Variants in VGLL2 observed in about 807,000 individuals in gnomAD.
The protein encoded by VGLL2 is transcription cofactor vestigial-like protein 2.
In VGLL2, 18 loss-of-function variants were observed where a neutral mutation model predicts 27.0. The observed-to-expected ratio is 0.67, with a 90% CI of 0.46 to 0.99. The LOEUF (loss-of-function observed/expected upper bound fraction) is 0.99, where lower values mean the gene tolerates loss of function less well. Ranked by LOEUF, VGLL2 falls within the 50% of genes least tolerant of loss-of-function variation. The probability of loss-of-function intolerance (pLI) is 0.00; values close to 1 mark genes in which losing one functional copy is unlikely to be tolerated. For synonymous variants in VGLL2, 220 were observed against 201.1 expected, an observed-to-expected ratio of 1.09 and a Z score of -0.80; for missense variants, 491 against 452.3, an observed-to-expected ratio of 1.09 and a Z score of -0.78.
intron 3 of VGLL2, chr6:117,272,211 C>G: frequency 6.0e-6 from 4 of 663,474 alleles, no homozygotes; most frequent in Non-Finnish European, 7.4e-6. Flanking sequence ...CTTCTTTGTT[C>G]TCCTCCTTCT....
At position 117,270,607 on chromosome 6, in the gene VGLL2, G is replaced by T. The variant is rs745553667; in HGVS notation, c.456G>T (p.Ala152=). ...PASFWNSAYQ[A]PVPPPLGSPL... ...CCTTCTGGAATAGCGCGTACCAGGC[G>T]CCAGTGCCCCCGCCGCTGGGCAGCC... The change falls in exon 3 of 4, where the codon GCG becomes GCT. Residue 152 remains alanine, a synonymous_variant. Transcript: ENST00000326274. The T allele has an allele frequency of 6.3e-7, 1 of 1,574,890 alleles. No individual in the cohort carries two copies. Among genetic ancestry groups the T allele is most frequent in the Non-Finnish European group, 8.6e-7 (1 of 1,163,270 alleles).
Position 117,268,170 on chromosome 6 carries a change from C to G in VGLL2, c.82-12C>G. 6.2e-6 allele frequency: 10 copies of G among 1,611,754 alleles called. No homozygotes were observed. The highest frequency in any genetic ancestry group is 8.5e-6 in the Non-Finnish European group (10 of 1,178,806). ...TGAAATTGATATCTCTGTTCTTTCT[C>G]TCTCTGAACAGAAACTAGCCTATTA... On this transcript the variant is annotated splice_polypyrimidine_tract_variant and intron_variant, in intron 1 of 3. Transcript: ENST00000326274.
rs566192000 is a variant in VGLL2 at position 117,270,925 on chromosome 6, G to C, written c.774G>C (p.Pro258=). ...GCCCGGCCCGCCTCGCAACCGCCCCGGCGCCCGCGCCCGGCAGTCCTCCCT... is the reference window on the plus strand; with the variant it reads ...GCCCGGCCCGCCTCGCAACCGCCCCCGCGCCCGCGCCCGGCAGTCCTCCCT... ...SGRPARLATA[P]APAPGSPPCE... Residue 258 remains proline (P), a synonymous_variant, in exon 3 of 4, where the codon CCG becomes CCC. Transcript: ENST00000326274. 2.8e-4 allele frequency: 351 copies of C among 1,243,328 alleles called. 3 individuals are homozygous for C. The African/African-American group carries it at 5.0e-3, about 18-fold the overall frequency. 77.0% of individuals were successfully genotyped at this position (1,243,328 alleles called of 1,614,324 possible).
rs768999388 is a variant in VGLL2, at chr6:117,268,166, TTC to T, written c.82-8_82-7del. 2.5e-6 allele frequency: 4 copies of T among 1,610,456 alleles called. No individual in the cohort carries two copies. In the East Asian group the frequency reaches 8.9e-5, roughly 36 times the overall value. On this transcript the variant is annotated splice_polypyrimidine_tract_variant and intron_variant, in intron 1 of 3. Coordinates refer to ENST00000326274, the MANE Select transcript of VGLL2 (RefSeq NM_182645.3). ...CTTTTGAAATTGATATCTCTGTTCT[TTC>T]TCTCTCTGAACAGAAACTAGCCTAT...
In VGLL2 at chr6:117,272,485, C is replaced by T. The variant is rs765266823; in HGVS notation, c.945C>T (p.Leu315=). 2.5e-6 allele frequency: 4 copies of T among 1,614,068 alleles called. No homozygotes were observed. Among genetic ancestry groups the T allele is most frequent in the Middle Eastern group, 1.6e-4 (1 of 6,080 alleles). The change falls in exon 4 of 4, where the codon CTC becomes CTT. Residue 315 remains leucine, a synonymous_variant. Coordinates refer to ENST00000326274, the MANE Select transcript of VGLL2 (RefSeq NM_182645.3). ...GTTATTCCCTCTGTGGTGCATCCCT[C>T]CTGAGCTGATCTGCTGACCCAGGGT... The part of the protein sequence containing the change: ...ARRYSLCGAS[L]LS
At position 117,270,849 on chromosome 6, in the gene VGLL2, C is replaced by G. The variant is rs764231372; in HGVS notation, c.698C>G (p.Pro233Arg). 11 of 1,414,822 alleles carry G rather than the reference C, an allele frequency of 7.8e-6. No individual in the cohort carries two copies. In the East Asian group the frequency reaches 2.3e-4, roughly 29 times the overall value. 87.6% of individuals were successfully genotyped at this position (1,414,822 alleles called of 1,614,324 possible). A position where few individuals can be genotyped will look rare whatever the true frequency, so the allele number is the denominator to read the frequency against. Reference protein sequence around the residue: ...RPAAVHEVYAPHFDPRYGPLL... With the variant: ...RPAAVHEVYARHFDPRYGPLL... ...GCCGCCGTGCACGAAGTCTACGCGC[C>G]GCACTTCGACCCGCGCTATGGGCCG... Residue 233 changes from proline (P) to arginine (R), a missense_variant, in exon 3 of 4, where the codon CCG (proline) becomes CGG (arginine). Transcript: ENST00000326274.
chr6:117,270,596 G>A lies in VGLL2; in HGVS notation c.445G>A (p.Ala149Thr). ...RSFPASFWNS[A>T]YQAPVPPPLG... is the part of the protein sequence containing the mutation. ...CTTCCCCGCCTCCTTCTGGAATAGCGCGTACCAGGCGCCAGTGCCCCCGCC... is the reference window on the plus strand; with the variant it reads ...CTTCCCCGCCTCCTTCTGGAATAGCACGTACCAGGCGCCAGTGCCCCCGCC... Residue 149 changes from alanine to threonine, a missense_variant, in exon 3 of 4, where the codon GCG becomes ACG. Coordinates refer to ENST00000326274, the MANE Select transcript of VGLL2 (RefSeq NM_182645.3). The A allele has an allele frequency of 6.3e-7, 1 of 1,588,484 alleles. No individual in the cohort carries two copies. Among genetic ancestry groups the A allele is most frequent in the Admixed American group, 1.7e-5 (1 of 58,434 alleles).
intron 2 of VGLL2, among the ~76,000 whole-genome samples, chr6:117,269,077 A>G (rs1379832975): frequency 1.3e-5 from 2 of 152,232 alleles, no homozygotes; most frequent in Non-Finnish European, 2.9e-5. Flanking sequence ...ATCTTGAAGC[A>G]GAAGCGTCTC....
chr6:117,268,134 G>C (rs944250861), intron 1 of VGLL2, 48 bp from the exon 2 acceptor site: 1 of 1,581,096 alleles, frequency 6.3e-7, no homozygotes, highest in Non-Finnish European at 8.6e-7. Flanking sequence ...AACCGAATTT[G>C]CCATCGCTTT....
intron 2 of VGLL2, among the ~76,000 whole-genome samples, chr6:117,269,720 G>C (rs1299383858): frequency 6.6e-6 from 1 of 152,082 alleles, no homozygotes; most frequent in Non-Finnish European, 1.5e-5. Flanking sequence ...TCTAAACGCT[G>C]TTCTCTTAAA....
intron 2 of VGLL2, 52 bp downstream of exon 2, chr6:117,268,543 G>C: frequency 6.7e-7 from 1 of 1,492,266 alleles, no homozygotes; most frequent in Non-Finnish European, 8.9e-7. Context: ...TCTCAGCCTG[G>C]GGTTCACCTA....
intron 1 of VGLL2, among the ~76,000 whole-genome samples, chr6:117,266,203 G>A (rs1773064895): frequency 1.3e-5 from 2 of 152,192 alleles, no homozygotes; most frequent in East Asian, 3.9e-4. Context: ...GCTGACGCAG[G>A]AAAAACCAAA....
rs554045462 is a variant in VGLL2, at chr6:117,273,502, C to A, written c.*1008C>A. On this transcript the variant is annotated 3_prime_UTR_variant, in exon 4 of 4. Coordinates refer to ENST00000326274, the MANE Select transcript of VGLL2 (RefSeq NM_182645.3). ...GTTGGGACAGGGGAAAGGGTCTGTG[C>A]GTGGGCAAAGCTGAAGGTGATGAGG... is the stretch of plus-strand genomic sequence containing the variant. The A allele has an allele frequency of 6.6e-6, 1 of 152,146 alleles. No homozygotes were observed. Among genetic ancestry groups the A allele is most frequent in the South Asian group, 2.1e-4 (1 of 4,814 alleles). The allele number at this position is 152,146 out of a possible 1,614,324, so 9.4% of individuals were successfully genotyped here. A position where few individuals can be genotyped will look rare whatever the true frequency, so the allele number is the denominator to read the frequency against.
In VGLL2 at chr6:117,270,924, C is replaced by G; in HGVS notation, c.773C>G (p.Pro258Arg). The change falls in exon 3 of 4, where the codon CCG becomes CGG. Residue 258 changes from proline (P) to arginine (R), a missense_variant. Coordinates refer to ENST00000326274, the MANE Select transcript of VGLL2 (RefSeq NM_182645.3). ...CGCCCGGCCCGCCTCGCAACCGCCCCGGCGCCCGCGCCCGGCAGTCCTCCC... is the reference window on the plus strand; with the variant it reads ...CGCCCGGCCCGCCTCGCAACCGCCCGGGCGCCCGCGCCCGGCAGTCCTCCC... ...SGRPARLATA[P>R]APAPGSPPCE... The G allele has an allele frequency of 8.0e-7, 1 of 1,243,494 alleles. No individual in the cohort carries two copies. Among genetic ancestry groups the G allele is most frequent in the Non-Finnish European group, 1.0e-6 (1 of 999,444 alleles). 77.0% of individuals were successfully genotyped at this position (1,243,494 alleles called of 1,614,324 possible). A position where few individuals can be genotyped will look rare whatever the true frequency, so the allele number is the denominator to read the frequency against.
Position 117,265,961 on chromosome 6 carries a change from G to T in VGLL2, c.81+117G>T, listed in dbSNP as rs936436770. 5 of 924,670 alleles carry T rather than the reference G, an allele frequency of 5.4e-6. No homozygotes were observed. In the African/African-American group the frequency reaches 8.2e-5, roughly 15 times the overall value. The allele number at this position is 924,670 out of a possible 1,614,324, so 57.3% of individuals were successfully genotyped here. A position where few individuals can be genotyped will look rare whatever the true frequency, so the allele number is the denominator to read the frequency against. ...GCGTCTCGGGCGTCCGACCACGACC[G>T]GCGCAGCCGGGATGCGGGGATTGCC... On this transcript the variant is annotated intron_variant, in intron 1 of 3. Coordinates refer to ENST00000326274, the MANE Select transcript of VGLL2 (RefSeq NM_182645.3).
Position 117,270,971 on chromosome 6 carries a change from G to C in VGLL2, c.820G>C (p.Glu274Gln). ...SPPCELSGKG[E>Q]PAGAAWAGPG... Reference sequence around the variant, plus strand: ...TCCCTGCGAGCTCTCCGGCAAAGGCGAGCCGGCGGGCGCCGCGTGGGCCGG... The same window carrying C: ...TCCCTGCGAGCTCTCCGGCAAAGGCCAGCCGGCGGGCGCCGCGTGGGCCGG... Residue 274 changes from glutamate (E) to glutamine (Q), a missense_variant, in exon 3 of 4, where the codon GAG becomes CAG. Glu to Gln is a conservative substitution (Grantham distance 29, BLOSUM62 2). Transcript: ENST00000326274. 3.2e-6 allele frequency: 4 copies of C among 1,231,876 alleles called. No individual in the cohort carries two copies. Among genetic ancestry groups the C allele is most frequent in the Non-Finnish European group, 3.0e-6 (3 of 990,942 alleles). The allele number at this position is 1,231,876 out of a possible 1,614,324, so 76.3% of individuals were successfully genotyped here. A position where few individuals can be genotyped will look rare whatever the true frequency, so the allele number is the denominator to read the frequency against.
At chr6:117,271,365 T>G (rs1459267442) in intron 3 of VGLL2, among the ~76,000 whole-genome samples, 1 of 149,980 alleles carries the variant, frequency 6.7e-6, no homozygotes, top group African/African-American at 2.5e-5. Flanking sequence ...AGTGGAAAAG[T>G]TCTAGCTCTG....
rs897058023 is a variant in VGLL2 at position 117,265,585 on chromosome 6, T to A, written c.-179T>A. 1.3e-5 allele frequency: 8 copies of A among 601,896 alleles called. No individual in the cohort carries two copies. Among genetic ancestry groups the A allele is most frequent in the Non-Finnish European group, 2.1e-5 (7 of 334,348 alleles). 37.3% of individuals were successfully genotyped at this position (601,896 alleles called of 1,614,324 possible). A position where few individuals can be genotyped will look rare whatever the true frequency, so the allele number is the denominator to read the frequency against. On this transcript the variant is annotated 5_prime_UTR_variant, in exon 1 of 4. Transcript: ENST00000326274. ...TTCTGCCCTGGAGCGCGGTCGGGAGTAAAATCGCAGGAGTGGGAGGGTAGC... is the reference window on the plus strand; with the variant it reads ...TTCTGCCCTGGAGCGCGGTCGGGAGAAAAATCGCAGGAGTGGGAGGGTAGC...
At position 117,270,746 on chromosome 6, in the gene VGLL2, C is replaced by A; in HGVS notation, c.595C>A (p.Pro199Thr). 6.6e-7 allele frequency: 1 copy of A among 1,511,068 alleles called. No homozygotes were observed. The highest frequency in any genetic ancestry group is 8.8e-7 in the Non-Finnish European group (1 of 1,139,604). The allele number at this position is 1,511,068 out of a possible 1,614,324, so 93.6% of individuals were successfully genotyped here. The change falls in exon 3 of 4, where the codon CCG becomes ACG. Residue 199 changes from proline to threonine, a missense_variant. Physicochemically the swap from Pro to Thr is conservative, Grantham distance 38. Coordinates refer to ENST00000326274, the MANE Select transcript of VGLL2 (RefSeq NM_182645.3). ...GATEPWHHAHPHHAHPHHPYA... is the reference protein window; with the variant it reads ...GATEPWHHAHTHHAHPHHPYA... ...CACGGAGCCCTGGCACCACGCGCACCCGCACCACGCGCACCCGCATCACCC... is the reference window on the plus strand; with the variant it reads ...CACGGAGCCCTGGCACCACGCGCACACGCACCACGCGCACCCGCATCACCC...
Sources: gnomAD v4.1 joint callset for allele counts (sites outside exome capture counted in the v4.1 genomes callset) on GRCh38, gnomAD v4.1.1 for gene constraint, MANE v1.5 for transcripts, NCBI Gene and HGNC (gene_info 2026-07-23, HGNC 2026-07-21) for gene names.